PRDM5: variants seen among roughly 807,000 people sequenced by gnomAD.
PRDM5 encodes the protein PR domain zinc finger protein 5.
A neutral mutation model predicts 81.2 loss-of-function variants in PRDM5; 56 were observed. The ratio of observed to expected loss-of-function variants is 0.69; its 90% confidence interval spans 0.56 to 0.86. The LOEUF (loss-of-function observed/expected upper bound fraction) is 0.86, where lower values mean the gene tolerates loss of function less well. Ranked by LOEUF, PRDM5 falls within the 40% of genes least tolerant of loss-of-function variation. The pLI is 0.00. For missense variants in PRDM5, 697 were observed against 770.1 expected (o/e 0.91, Z 1.12); for synonymous variants, 267 against 256.4 (o/e 1.04, Z -0.39).
At chr4:120,905,027 G>A (rs1401010376) in intron 2 of PRDM5, among the ~76,000 whole-genome samples, 1 of 152,118 alleles carries the variant, frequency 6.6e-6, no homozygotes, top group East Asian at 1.9e-4. Flanking sequence ...AACCTTCATA[G>A]TAAAAGAATT....
At chr4:120,880,283 A>C (rs947004377) in intron 2 of PRDM5, among the ~76,000 whole-genome samples, 1 of 152,182 alleles carries the variant, frequency 6.6e-6, no homozygotes, top group African/African-American at 2.4e-5. Flanking sequence ...AAAATATTAA[A>C]GTTCACTTTC....
chr4:120,907,003 T>TAAAAA (rs3086696), intron 2 of PRDM5, among the ~76,000 whole-genome samples: 1 of 111,806 alleles, frequency 8.9e-6, no homozygotes, highest in Non-Finnish European at 1.9e-5. Flanking sequence ...CCACTTTCTC[T>TAAAAA]AAAAAAAAAA....
chr4:120,734,933 A>T (rs1388215831), intron 14 of PRDM5, among the ~76,000 whole-genome samples: 1 of 152,140 alleles, frequency 6.6e-6, no homozygotes, highest in Non-Finnish European at 1.5e-5. Flanking sequence ...CAGACTCTGC[A>T]AGGGCTGCAG....
intron 2 of PRDM5, among the ~76,000 whole-genome samples, chr4:120,867,303 T>C (rs1561541186): frequency 6.6e-6 from 1 of 152,212 alleles, no homozygotes; most frequent in African/African-American, 2.4e-5. Flanking sequence ...ATGATCTTCA[T>C]AAATTTTAAT....
intron 1 of PRDM5, among the ~76,000 whole-genome samples, chr4:120,913,430 G>T (rs796503221): frequency 6.6e-6 from 1 of 152,216 alleles, no homozygotes; most frequent in Non-Finnish European, 1.5e-5. Flanking sequence ...TACTGCAGTT[G>T]TCTCTCTTAC....
chr4:120,756,881 AT>A (rs766010374), intron 13 of PRDM5, among the ~76,000 whole-genome samples: 16 of 152,202 alleles, frequency 1.1e-4, no homozygotes, highest in Non-Finnish European at 1.9e-4. Flanking sequence ...GTAACATGTT[AT>A]TTTACACTTA....
chr4:120,875,268 A>C (rs1762229449), intron 2 of PRDM5, among the ~76,000 whole-genome samples: 1 of 152,250 alleles, frequency 6.6e-6, no homozygotes, highest in African/African-American at 2.4e-5. Context: ...ATTAAAACAA[A>C]GACAGGAAAA....
intron 10 of PRDM5, among the ~76,000 whole-genome samples, chr4:120,788,932 C>A (rs933281660): frequency 6.6e-6 from 1 of 152,190 alleles, no homozygotes; most frequent in African/African-American, 2.4e-5. Flanking sequence ...TTGCATGTTG[C>A]AAATAGAGAA....
intron 13 of PRDM5, 72 bp downstream of exon 13, chr4:120,777,116 A>T: frequency 6.2e-7 from 1 of 1,610,706 alleles, no homozygotes; most frequent in Non-Finnish European, 8.5e-7. Flanking sequence ...GTATTATTAC[A>T]ATATTTCCTG....
chr4:120,875,287 A>C (rs140524725), intron 2 of PRDM5, among the ~76,000 whole-genome samples: 16 of 152,368 alleles, frequency 1.1e-4, no homozygotes, highest in African/African-American at 3.6e-4. Context: ...AACAATTTCA[A>C]CTTGAGTGCC....
At chr4:120,892,680 CTA>C (rs746859419) in intron 2 of PRDM5, among the ~76,000 whole-genome samples, 23 of 150,798 alleles carry the variant, frequency 1.5e-4, no homozygotes, top group Non-Finnish European at 3.0e-4. Flanking sequence ...GCTCATCTGG[CTA>C]TGAGAGGTGG....
intron 14 of PRDM5, among the ~76,000 whole-genome samples, chr4:120,721,560 C>T (rs1738611348): frequency 6.6e-6 from 1 of 152,204 alleles, no homozygotes; most frequent in Non-Finnish European, 1.5e-5. Flanking sequence ...GACACTGCTG[C>T]CTATGTTCAC....
intron 8 of PRDM5, 138 bp downstream of exon 8, chr4:120,811,232 T>TA (rs1474129131): frequency 1.2e-5 from 6 of 517,438 alleles, no homozygotes; most frequent in Non-Finnish European, 2.0e-5. Context: ...CTAATGTTGT[T>TA]AGAGTTAATA....
chr4:120,815,961 T>A, intron 7 of PRDM5: 1 of 186,788 alleles, frequency 5.4e-6, no homozygotes, highest in Non-Finnish European at 1.1e-5. Context: ...GGAATTCAAA[T>A]AATATTTGTT....
At chr4:120,709,388 G>A (rs1222639123) in intron 15 of PRDM5, among the ~76,000 whole-genome samples, 1 of 152,180 alleles carries the variant, frequency 6.6e-6, no homozygotes, top group Admixed American at 6.5e-5. Flanking sequence ...TAAAAGAAGT[G>A]TACTGTTAAT....
intron 13 of PRDM5, among the ~76,000 whole-genome samples, chr4:120,768,098 A>G (rs1216294822): frequency 6.6e-6 from 1 of 152,224 alleles, no homozygotes; most frequent in African/African-American, 2.4e-5. Flanking sequence ...AGATCAATCA[A>G]TAAATAAAAA....
At chr4:120,862,868 G>A (rs1760761752) in intron 2 of PRDM5, among the ~76,000 whole-genome samples, 1 of 151,976 alleles carries the variant, frequency 6.6e-6, no homozygotes, top group Admixed American at 6.6e-5. Flanking sequence ...CGGGCAAAGA[G>A]TATGCTCTGG....
chr4:120,688,678 T>A (rs1179923140), downstream of PRDM5, among the ~76,000 whole-genome samples: 1 of 152,144 alleles, frequency 6.6e-6, no homozygotes, highest in Admixed American at 6.6e-5. Context: ...AACTTCTTTT[T>A]TTACATGTGG....
intron 8 of PRDM5, among the ~76,000 whole-genome samples, chr4:120,803,530 G>T (rs969489565): frequency 6.6e-6 from 1 of 152,238 alleles, no homozygotes; most frequent in Non-Finnish European, 1.5e-5. Context: ...CCACAAGCCA[G>T]AAGAGAGTGA....
Sources: allele counts gnomAD v4.1 joint callset (sites outside exome capture counted in the v4.1 genomes callset), GRCh38; gene constraint gnomAD v4.1.1; transcripts MANE v1.5; gene names NCBI Gene and HGNC (gene_info 2026-07-23, HGNC 2026-07-21).